COX7B2: variants seen among roughly 807,000 people sequenced by gnomAD.
The protein encoded by COX7B2 is cytochrome c oxidase subunit 7B2, mitochondrial.
For missense variants in COX7B2, 109 were observed against 95.9 expected, an observed-to-expected ratio of 1.14 and a Z score of -0.57; for synonymous variants, 37 against 32.1, an observed-to-expected ratio of 1.15 and a Z score of -0.51.
intron 2 of COX7B2, among the ~76,000 whole-genome samples, chr4:46,793,692 C>A (rs1489379177): frequency 6.6e-6 from 1 of 152,172 alleles, no homozygotes; most frequent in Non-Finnish European, 1.5e-5. Context: ...GCTGAGACTG[C>A]TGAAGATCAA....
chr4:46,860,477 T>G (rs1159673169), intron 1 of COX7B2, among the ~76,000 whole-genome samples: 1 of 152,072 alleles, frequency 6.6e-6, no homozygotes, highest in East Asian at 1.9e-4. Context: ...AGGGGAGACC[T>G]TCACCAGGGG....
chr4:46,838,286 A>C (rs1347466498), intron 2 of COX7B2, among the ~76,000 whole-genome samples: 1 of 152,096 alleles, frequency 6.6e-6, no homozygotes, highest in Non-Finnish European at 1.5e-5. Context: ...TATGTCTTGC[A>C]CTGGGAATAA....
chr4:46,826,653 A>G (rs1219590887), intron 2 of COX7B2, among the ~76,000 whole-genome samples: 2 of 152,218 alleles, frequency 1.3e-5, no homozygotes, highest in Admixed American at 1.3e-4. Flanking sequence ...AATGTGGTAC[A>G]TATACATCAT....
chr4:46,786,255 A>C (rs1464986257), intron 2 of COX7B2, among the ~76,000 whole-genome samples: 1 of 152,198 alleles, frequency 6.6e-6, no homozygotes, highest in African/African-American at 2.4e-5. Context: ...TATATTATGA[A>C]CATCTTCTCA....
Position 46,780,103 on chromosome 4 carries a change from A to T in COX7B2, c.-49-44862T>A, listed in dbSNP as rs989153102. Among the ~76,000 whole-genome samples the T allele has an allele frequency of 9.9e-5, 15 of 152,276 alleles. 1 individual carries two copies. Among genetic ancestry groups the T allele is most frequent in the Admixed American group, 5.2e-4 (8 of 15,298 alleles). On this transcript the variant is annotated intron_variant, in intron 2 of 2. Transcript: ENST00000355591. ...TAAAGTGTATTACAAGTATTTTTTT[A>T]AAAAGAATTTAATAAGCTTGATTAG...
At chr4:46,783,124 C>G (rs1031854730) in intron 2 of COX7B2, among the ~76,000 whole-genome samples, 2 of 152,070 alleles carry the variant, frequency 1.3e-5, no homozygotes. Flanking sequence ...AGTATTAGTC[C>G]CTTGTACAGC....
At position 46,793,301 on chromosome 4, in the gene COX7B2, G is replaced by A. The variant is rs191279016; in HGVS notation, c.-50+51659C>T. On this transcript the variant is annotated intron_variant, in intron 2 of 2. Coordinates refer to ENST00000355591, the MANE Select transcript of COX7B2 (RefSeq NM_130902.3). ...ACTGGTATCTTCCCGGCTGGATGGG[G>A]GTTATCTCGGGGCTAGCATGTCTCT... is the stretch of plus-strand genomic sequence containing the variant. Among the ~76,000 whole-genome samples the A allele has an allele frequency of 1.2e-3, 185 of 152,126 alleles. 1 individual carries two copies. Among genetic ancestry groups the A allele is most frequent in the African/African-American group, 4.2e-3 (174 of 41,508 alleles).
At chr4:46,804,140 G>A (rs562090695) in intron 2 of COX7B2, among the ~76,000 whole-genome samples, 2 of 152,136 alleles carry the variant, frequency 1.3e-5, no homozygotes, top group Admixed American at 1.3e-4. Flanking sequence ...CGGCGCGTCT[G>A]GAGTTGTTGT....
chr4:46,764,327 C>A (rs1400287597), intron 2 of COX7B2, among the ~76,000 whole-genome samples: 1 of 150,072 alleles, frequency 6.7e-6, no homozygotes, highest in Non-Finnish European at 1.5e-5. Context: ...GGTGGATCAC[C>A]TGAGGTCAGG....
chr4:46,768,068 A>C (rs545626767), intron 2 of COX7B2, among the ~76,000 whole-genome samples: 1 of 152,224 alleles, frequency 6.6e-6, no homozygotes, highest in Non-Finnish European at 1.5e-5. Context: ...GGCGTGTGCT[A>C]CAGCATGCTC....
At chr4:46,814,522 A>C (rs879609163) in intron 2 of COX7B2, among the ~76,000 whole-genome samples, 4 of 151,502 alleles carry the variant, frequency 2.6e-5, no homozygotes, top group Non-Finnish European at 5.9e-5. Flanking sequence ...AAGTTTACTT[A>C]GTTATTTAGG....
chr4:46,764,835 G>C (rs1716431839), intron 2 of COX7B2, among the ~76,000 whole-genome samples: 2 of 150,980 alleles, frequency 1.3e-5, no homozygotes, highest in South Asian at 4.2e-4. Flanking sequence ...AAAGAGAAAA[G>C]AATCAAAGCA....
chr4:46,740,981 T>C (rs1352260664), intron 2 of COX7B2, among the ~76,000 whole-genome samples: 1 of 152,030 alleles, frequency 6.6e-6, no homozygotes, highest in East Asian at 1.9e-4. Context: ...GCATACATAA[T>C]TAAGGTGTGC....
chr4:46,818,635 T>A (rs1714024463), intron 2 of COX7B2, among the ~76,000 whole-genome samples: 2 of 142,020 alleles, frequency 1.4e-5, no homozygotes, highest in Admixed American at 7.0e-5. Context: ...AGACTCTGTC[T>A]CAAAAAAAAA....
chr4:46,754,712 G>GTATATATATA (rs1231439934), intron 2 of COX7B2, among the ~76,000 whole-genome samples: 2 of 22,040 alleles, frequency 9.1e-5, no homozygotes, highest in African/African-American at 2.6e-4. Context: ...GTGTGTGTGT[G>GTATATATATA]TGTGTGTGTG....
At chr4:46,866,439 G>T (rs1717676038) in intron 1 of COX7B2, among the ~76,000 whole-genome samples, 1 of 152,090 alleles carries the variant, frequency 6.6e-6, no homozygotes, top group South Asian at 2.1e-4. Flanking sequence ...ATTCTTTTAG[G>T]AGTAGTTTTC....
At chr4:46,768,281 G>A (rs903976740) in intron 2 of COX7B2, among the ~76,000 whole-genome samples, 2 of 152,170 alleles carry the variant, frequency 1.3e-5, no homozygotes, top group Non-Finnish European at 2.9e-5. Context: ...AAAGGAAATG[G>A]AATGGGAAAG....
intron 2 of COX7B2, among the ~76,000 whole-genome samples, chr4:46,833,153 C>T (rs1310087420): frequency 1.3e-5 from 2 of 152,192 alleles, no homozygotes; most frequent in Non-Finnish European, 2.9e-5. Context: ...GATCCACCCA[C>T]CTCGGCCTCC....
At chr4:46,810,714 CTATG>C (rs1719244522) in intron 2 of COX7B2, among the ~76,000 whole-genome samples, 1 of 152,050 alleles carries the variant, frequency 6.6e-6, no homozygotes, top group Non-Finnish European at 1.5e-5. Flanking sequence ...CAGGATTTGA[CTATG>C]TATTTGCCTC....
Sources: gnomAD v4.1 joint callset for allele counts (sites outside exome capture counted in the v4.1 genomes callset) on GRCh38, gnomAD v4.1.1 for gene constraint, MANE v1.5 for transcripts, NCBI Gene and HGNC (gene_info 2026-07-23, HGNC 2026-07-21) for gene names.